Variants in AKAP19 observed in about 807,000 individuals in gnomAD.
The protein encoded by AKAP19 is small A-kinase anchoring protein.
At chr2:190,106,413 G>A in the AKAP19 span, among the ~76,000 whole-genome samples, 1 of 152,142 alleles carries the variant, frequency 6.6e-6, no homozygotes, top group South Asian at 2.1e-4. Context: ...CTAACCATGT[G>A]GGCCATTATG....
chr2:189,982,924 C>G, the AKAP19 span, among the ~76,000 whole-genome samples: 4 of 152,038 alleles, frequency 2.6e-5, no homozygotes, highest in Non-Finnish European at 5.9e-5. Flanking sequence ...TATGGACTAG[C>G]ATTAAGCGCC....
the AKAP19 span, among the ~76,000 whole-genome samples, chr2:190,185,644 ATG>A: frequency 2.0e-5 from 3 of 152,132 alleles, no homozygotes; most frequent in African/African-American, 7.2e-5. Context: ...CTGCTTGTGT[ATG>A]TGTGTGGTTT....
the AKAP19 span, among the ~76,000 whole-genome samples, chr2:190,137,571 G>T: frequency 6.6e-6 from 1 of 152,270 alleles, no homozygotes; most frequent in African/African-American, 2.4e-5. Context: ...AGCCTAGCAT[G>T]GTTTACTGTC....
the AKAP19 span, among the ~76,000 whole-genome samples, chr2:190,142,635 T>C: frequency 2.0e-5 from 3 of 152,198 alleles, no homozygotes; most frequent in South Asian, 2.1e-4. Flanking sequence ...TGGTAAGAAA[T>C]GAGGATGAAA....
chr2:189,959,829 C>A, the AKAP19 span, among the ~76,000 whole-genome samples: 4 of 152,112 alleles, frequency 2.6e-5, no homozygotes, highest in Non-Finnish European at 5.9e-5. Context: ...AATCCACTTA[C>A]AGTTTTTTGA....
chr2:190,057,386 C>T, the AKAP19 span: 1 of 1,613,584 alleles, frequency 6.2e-7, no homozygotes, highest in Non-Finnish European at 8.5e-7. Context: ...CCTGCTGAAC[C>T]TCTGGGGTTT....
chr2:190,011,884 T>G, the AKAP19 span, among the ~76,000 whole-genome samples: 2 of 152,200 alleles, frequency 1.3e-5, no homozygotes, highest in African/African-American at 4.8e-5. Context: ...AGATTTGTTC[T>G]TTTTGCTCAA....
the AKAP19 span, among the ~76,000 whole-genome samples, chr2:189,976,165 G>A: frequency 6.6e-6 from 1 of 152,120 alleles, no homozygotes; most frequent in Admixed American, 6.5e-5. Context: ...TGGTGTGGAT[G>A]TCCTTTCTGT....
At chr2:190,117,233 A>G in the AKAP19 span, among the ~76,000 whole-genome samples, 26 of 152,342 alleles carry the variant, frequency 1.7e-4, 1 homozygote, top group Admixed American at 1.7e-3. Flanking sequence ...ATAAAAAATT[A>G]TAAAAGGCCT....
chr2:190,186,170 A>G, the AKAP19 span, among the ~76,000 whole-genome samples: 1 of 151,970 alleles, frequency 6.6e-6, no homozygotes, highest in African/African-American at 2.4e-5. This position sits in a 1 kb window ranked among gnomAD's most constrained non-coding sequence, Gnocchi z 5.5. Context: ...CAGGCTGGTC[A>G]TGAACTCCTG....
chr2:190,180,498 G>A, the AKAP19 span: 231 of 985,560 alleles, frequency 2.3e-4, no homozygotes, highest in Admixed American at 5.5e-4. This position sits in a 1 kb window ranked among gnomAD's most constrained non-coding sequence, Gnocchi z 6.8. Context: ...TGACCTCTGC[G>A]ATGCCTCGCT....
chr2:189,922,592 G>C, the AKAP19 span, among the ~76,000 whole-genome samples: 6 of 152,220 alleles, frequency 3.9e-5, no homozygotes, highest in African/African-American at 1.2e-4. Flanking sequence ...CATACACAGA[G>C]CAGCAGAAAA....
the AKAP19 span, among the ~76,000 whole-genome samples, chr2:189,889,307 T>C: frequency 6.6e-6 from 1 of 152,234 alleles, no homozygotes; most frequent in African/African-American, 2.4e-5. Context: ...TTGGATAAGC[T>C]TTTTGATGTG....
At chr2:189,889,096 T>A in the AKAP19 span, among the ~76,000 whole-genome samples, 3 of 152,174 alleles carry the variant, frequency 2.0e-5, no homozygotes, top group African/African-American at 7.2e-5. Flanking sequence ...CTTATTATTT[T>A]GAGATATGTT....
the AKAP19 span, chr2:190,060,492 C>T: frequency 1.3e-6 from 2 of 1,486,640 alleles, no homozygotes; most frequent in South Asian, 1.2e-5. Flanking sequence ...AACAAAACCC[C>T]TCCATATTAA....
chr2:189,965,048 TA>T, the AKAP19 span, among the ~76,000 whole-genome samples: 1 of 152,320 alleles, frequency 6.6e-6, no homozygotes, highest in African/African-American at 2.4e-5. Context: ...GCTTTTGATT[TA>T]AAGTGAGAGA....
chr2:189,900,824 C>A, the AKAP19 span, among the ~76,000 whole-genome samples: 2 of 152,032 alleles, frequency 1.3e-5, no homozygotes, highest in East Asian at 3.9e-4. Context: ...GGCAAATGGG[C>A]AAGACAGGAG....
the AKAP19 span, among the ~76,000 whole-genome samples, chr2:190,179,276 C>T: frequency 6.6e-6 from 1 of 151,938 alleles, no homozygotes; most frequent in Non-Finnish European, 1.5e-5. The surrounding 1 kb of genome is among the most constrained non-coding windows in gnomAD (Gnocchi z 6.0). Flanking sequence ...GGCATGGTGG[C>T]AGGCGCCTGT....
chr2:190,177,154 C>A, the AKAP19 span, among the ~76,000 whole-genome samples: 4 of 152,132 alleles, frequency 2.6e-5, no homozygotes, highest in East Asian at 7.7e-4. This position sits in a 1 kb window ranked among gnomAD's most constrained non-coding sequence, Gnocchi z 4.6. Flanking sequence ...GTAAGTTTAT[C>A]TTGTTTGCAT....
Sources: allele counts gnomAD v4.1 joint callset (sites outside exome capture counted in the v4.1 genomes callset), GRCh38; gene constraint gnomAD v4.1.1; non-coding constraint Gnocchi (gnomAD v3.1); transcripts MANE v1.5; gene names NCBI Gene and HGNC (gene_info 2026-07-23, HGNC 2026-07-21).